The following SHROOM3 variants were observed in gnomAD, a reference collection of about 807,000 sequenced individuals.
SHROOM3 encodes the protein shroom family member 3.
Under a neutral mutation model 138.6 loss-of-function variants are expected in SHROOM3, and 47 were observed. The ratio of observed to expected loss-of-function variants is 0.34; its 90% CI spans 0.27 to 0.43. The LOEUF (loss-of-function observed/expected upper bound fraction) is 0.43, where lower values mean the gene tolerates loss of function less well. SHROOM3 is among the 20% of genes least tolerant of loss of function. The pLI is 1.00. For synonymous variants in SHROOM3, 1,062 were observed against 1,063.3 expected (o/e 1.00, Z 0.02); for missense variants, 2,491 against 2,596.5 (o/e 0.96, Z 0.88).
At chr4:76,517,247 C>T (rs528718033) in intron 1 of SHROOM3, among the ~76,000 whole-genome samples, 67 of 152,280 alleles carry the variant, frequency 4.4e-4, no homozygotes, top group African/African-American at 1.5e-3. Flanking sequence ...GGGTCATACC[C>T]TTGTCATCCA....
At chr4:76,463,100 C>T (rs997510298) in intron 1 of SHROOM3, among the ~76,000 whole-genome samples, 2 of 152,126 alleles carry the variant, frequency 1.3e-5, no homozygotes, top group Non-Finnish European at 1.5e-5. Context: ...TTGGAACTTC[C>T]TAGAGACTTA....
At chr4:76,447,882 A>G (rs1730846219) in intron 1 of SHROOM3, among the ~76,000 whole-genome samples, 1 of 151,982 alleles carries the variant, frequency 6.6e-6, no homozygotes, top group South Asian at 2.1e-4. Context: ...AATAAATTTG[A>G]CCTTTAAGAA....
chr4:76,734,682 TG>T (rs1294063631), intron 4 of SHROOM3, among the ~76,000 whole-genome samples: 1 of 152,144 alleles, frequency 6.6e-6, no homozygotes, highest in African/African-American at 2.4e-5. Flanking sequence ...GGTAGATACC[TG>T]TGTTTAAAAG....
chr4:76,695,492 A>G (rs1041653760), intron 2 of SHROOM3, among the ~76,000 whole-genome samples: 1 of 152,204 alleles, frequency 6.6e-6, no homozygotes, highest in Non-Finnish European at 1.5e-5. Context: ...TGGATATTTC[A>G]TATTTCCTAT....
chr4:76,741,146 T>C lies in SHROOM3; in HGVS notation c.2973T>C (p.Ala991=), dbSNP rs1162997002. 3.8e-6 allele frequency: 6 copies of C among 1,565,112 alleles called. No individual in the cohort carries two copies. The highest frequency in any genetic ancestry group is 3.8e-5 in the Admixed American group (2 of 52,564). ...GGGAGCGGCACAGCGTGACCCCTGC[T>C]GAGGGCGACCTGGCCAGGCCCGTGC... ...TPRERHSVTP[A]EGDLARPVPP... Residue 991 remains alanine (A), a synonymous_variant, in exon 5 of 11, where the codon GCT becomes GCC. Coordinates refer to ENST00000296043, the MANE Select transcript of SHROOM3 (RefSeq NM_020859.4). This position sits in a 1 kb window ranked among gnomAD's most constrained non-coding sequence, Gnocchi z 6.2.
intron 5 of SHROOM3, among the ~76,000 whole-genome samples, chr4:76,748,762 T>G (rs1721527456): frequency 6.6e-6 from 1 of 152,078 alleles, no homozygotes; most frequent in East Asian, 1.9e-4. Context: ...GGAAACATCC[T>G]TGTTAGAGGA....
rs184566043 is a variant in SHROOM3, at chr4:76,525,215, A to T, written c.169-30394A>T. 1.2e-4 allele frequency among the ~76,000 whole-genome samples: 19 copies of T among 152,326 alleles called. No homozygotes were observed. In the East Asian group the frequency reaches 2.7e-3, roughly 22 times the overall value. On this transcript the variant is annotated intron_variant, in intron 1 of 10. Transcript: ENST00000296043. Reference sequence around the variant, plus strand: ...TTGCTGGGGAGGCCTCAGGAAACTTACAGTCATGGTGGAAGGCAAAGGAGA... The same window carrying T: ...TTGCTGGGGAGGCCTCAGGAAACTTTCAGTCATGGTGGAAGGCAAAGGAGA...
At chr4:76,673,041 TAAACTC>T (rs1373066642) in intron 2 of SHROOM3, among the ~76,000 whole-genome samples, 2 of 152,230 alleles carry the variant, frequency 1.3e-5, no homozygotes, top group Non-Finnish European at 2.9e-5. Flanking sequence ...ATTTCAAAAA[TAAACTC>T]AAAACTAGGC....
In SHROOM3 at chr4:76,739,554, C is replaced by T; in HGVS notation, c.1381C>T (p.Pro461Ser). ...NYTQKAQPGQ[P>S]LLPTSIYPVP... Reference sequence around the variant, plus strand: ...TACCCAGAAGGCCCAACCTGGCCAACCTCTGCTGCCGACCAGCATCTACCC... The same window carrying T: ...TACCCAGAAGGCCCAACCTGGCCAATCTCTGCTGCCGACCAGCATCTACCC... The change falls in exon 5 of 11, where the codon CCT (proline) becomes TCT (serine). Residue 461 changes from proline (P) to serine (S), a missense_variant. Physicochemically the swap from Pro to Ser is moderately conservative, Grantham distance 74. This residue lies in a region of SHROOM3 where 1,733 missense variants were observed against 1,661.6 expected (regional missense o/e 1.04). Transcript: ENST00000296043. The T allele has an allele frequency of 6.2e-7, 1 of 1,614,208 alleles. No homozygotes were observed. The highest frequency in any genetic ancestry group is 8.5e-7 in the Non-Finnish European group (1 of 1,180,038).
Position 76,477,036 on chromosome 4 carries a change from C to T in SHROOM3, c.168+40816C>T, listed in dbSNP as rs539998600. 5.8e-3 allele frequency among the ~76,000 whole-genome samples: 880 copies of T among 152,286 alleles called. 7 individuals carry two copies. Among genetic ancestry groups the T allele is most frequent in the African/African-American group, 0.02 (845 of 41,556 alleles). On this transcript the variant is annotated intron_variant, in intron 1 of 10. Coordinates refer to ENST00000296043, the MANE Select transcript of SHROOM3 (RefSeq NM_020859.4). ...AGGCTGGAGTGCAGCGGCCTCATCT[C>T]GGCTCACTGCAAGCTCTGCCTCCTG...
chr4:76,660,648 G>T (rs188288449), intron 2 of SHROOM3, among the ~76,000 whole-genome samples: 3,101 of 151,962 alleles, frequency 0.02, 110 homozygotes, highest in African/African-American at 0.068. Context: ...GCTAATTTTT[G>T]TATTTTTAGT....
At chr4:76,470,921 CAG>C (rs1437715267) in intron 1 of SHROOM3, among the ~76,000 whole-genome samples, 2 of 152,088 alleles carry the variant, frequency 1.3e-5, no homozygotes, top group Non-Finnish European at 2.9e-5. Context: ...ATGCCATAAA[CAG>C]AAAGTATTAA....
intron 2 of SHROOM3, among the ~76,000 whole-genome samples, chr4:76,590,509 CTTT>C (rs34593122): frequency 1.3e-4 from 18 of 137,506 alleles, no homozygotes; most frequent in African/African-American, 4.0e-4. Flanking sequence ...AAGAATGGTG[CTTT>C]TTTTTTTTTT....
chr4:76,525,108 C>T (rs1732662627), intron 1 of SHROOM3, among the ~76,000 whole-genome samples: 1 of 152,184 alleles, frequency 6.6e-6, no homozygotes, highest in Admixed American at 6.5e-5. Flanking sequence ...TTGTATTAGT[C>T]TGTTCTTATG....
intron 3 of SHROOM3, 41 bp downstream of exon 3, chr4:76,710,328 A>G (rs201088892): frequency 6.2e-7 from 1 of 1,611,988 alleles, no homozygotes; most frequent in Non-Finnish European, 8.5e-7. Context: ...TCGGAAAAAG[A>G]ACCCAGTCCA....
At chr4:76,704,353 G>A (rs1255359354) in intron 2 of SHROOM3, among the ~76,000 whole-genome samples, 3 of 152,172 alleles carry the variant, frequency 2.0e-5, no homozygotes, top group Non-Finnish European at 4.4e-5. Context: ...TCTTAACAAC[G>A]AAGCAGACAA....
rs1359421159 is a variant in SHROOM3, at chr4:76,749,110, A to G, written c.3827+20A>G. 4 of 1,604,284 alleles carry G rather than the reference A, an allele frequency of 2.5e-6. No homozygotes were observed. In the African/African-American group the frequency reaches 4.0e-5, roughly 16 times the overall value. On this transcript the variant is annotated intron_variant, in intron 6 of 10. Transcript: ENST00000296043. The stretch of plus-strand genomic sequence containing the variant: ...ATCTAGGTATGTACATGTACTTATG[A>G]TGCTCTCTGCATATGAATGCTGCTG...
At chr4:76,699,627 G>C (rs1719847694) in intron 2 of SHROOM3, among the ~76,000 whole-genome samples, 1 of 152,112 alleles carries the variant, frequency 6.6e-6, no homozygotes, top group South Asian at 2.1e-4. Context: ...CTGATGTTTT[G>C]TGGGAACAGG....
chr4:76,740,321 G>A lies in SHROOM3; in HGVS notation c.2148G>A (p.Leu716=). The change falls in exon 5 of 11, where the codon CTG becomes CTA. Residue 716 remains leucine, a synonymous_variant. Coordinates refer to ENST00000296043, the MANE Select transcript of SHROOM3 (RefSeq NM_020859.4). This position sits in a 1 kb window ranked among gnomAD's most constrained non-coding sequence, Gnocchi z 4.0. The part of the protein sequence containing the change: ...RKAAPDLGSH[L]DRQVSYPRPE... ...CCGCTCCTGACCTCGGGAGCCATCT[G>A]GACCGGCAGGTTTCCTACCCGCGGC... 6.2e-7 allele frequency: 1 copy of A among 1,613,144 alleles called. No homozygotes were observed. Among genetic ancestry groups the A allele is most frequent in the Non-Finnish European group, 8.5e-7 (1 of 1,180,040 alleles).
Sources: allele counts gnomAD v4.1 joint callset (sites outside exome capture counted in the v4.1 genomes callset), GRCh38; gene constraint gnomAD v4.1.1; regional missense constraint gnomAD v4.1.1; non-coding constraint Gnocchi (gnomAD v3.1); transcripts MANE v1.5; gene names NCBI Gene and HGNC (gene_info 2026-07-23, HGNC 2026-07-21).